ARHGAP32: variants seen among roughly 807,000 people sequenced by gnomAD.
ARHGAP32 encodes the protein rho GTPase-activating protein 32.
ARHGAP32 carries 51 observed loss-of-function variants against 186.5 expected under a neutral mutation model. The ratio of observed to expected loss-of-function variants is 0.27; its 90% CI spans 0.22 to 0.35. ARHGAP32 has a LOEUF of 0.35. ARHGAP32 is among the 10% of genes least tolerant of loss of function. The pLI is 1.00. For missense variants in ARHGAP32, 2,186 were observed against 2,623.5 expected (o/e 0.83, Z 3.64); for synonymous variants, 950 against 964.3 (o/e 0.99, Z 0.27).
At chr11:129,222,060 C>A (rs754443633) in intron 1 of ARHGAP32, among the ~76,000 whole-genome samples, 6 of 152,124 alleles carry the variant, frequency 3.9e-5, no homozygotes, top group Non-Finnish European at 8.8e-5. Flanking sequence ...ACTATAGCTA[C>A]TATTGGAGTT....
intron 6 of ARHGAP32, among the ~76,000 whole-genome samples, chr11:129,090,764 G>A (rs998732165): frequency 6.6e-6 from 1 of 152,154 alleles, no homozygotes; most frequent in Admixed American, 6.5e-5. Context: ...TGGTAACACT[G>A]ATGTTAAACT....
intron 2 of ARHGAP32, among the ~76,000 whole-genome samples, chr11:129,163,556 AT>A (rs1443260210): frequency 6.6e-6 from 1 of 152,070 alleles, no homozygotes; most frequent in Admixed American, 6.6e-5. Flanking sequence ...CTTATTACCC[AT>A]TCATTGACAA....
At chr11:129,181,532 ATAAAT>A (rs980250895) in intron 1 of ARHGAP32, among the ~76,000 whole-genome samples, 9 of 152,156 alleles carry the variant, frequency 5.9e-5, no homozygotes, top group African/African-American at 1.9e-4. Flanking sequence ...AAGGATATTA[ATAAAT>A]TAAATTGTAA....
chr11:129,073,850 A>G lies in ARHGAP32; in HGVS notation c.532-6982T>C, dbSNP rs891108977. 3.9e-5 allele frequency among the ~76,000 whole-genome samples: 6 copies of G among 152,194 alleles called. No homozygotes were observed. The South Asian group carries it at 6.2e-4, about 16-fold the overall frequency. Reference sequence around the variant, plus strand: ...GAAAGAAGCTGGGAGTTTGCGGGGGAAACACCTTACCTATAGAGGGTCAAA... The same window carrying G: ...GAAAGAAGCTGGGAGTTTGCGGGGGGAACACCTTACCTATAGAGGGTCAAA... On this transcript the variant is annotated intron_variant, in intron 6 of 22. Coordinates refer to ENST00000682385, the MANE Select transcript of ARHGAP32 (RefSeq NM_001378024.1).
chr11:129,162,712 C>T (rs1247229806), intron 2 of ARHGAP32, among the ~76,000 whole-genome samples: 4 of 152,104 alleles, frequency 2.6e-5, no homozygotes, highest in Non-Finnish European at 4.4e-5. Context: ...GTTTTTACTG[C>T]AGACTTGATG....
At chr11:129,165,971 T>C (rs926345241) in intron 1 of ARHGAP32, among the ~76,000 whole-genome samples, 1 of 152,042 alleles carries the variant, frequency 6.6e-6, no homozygotes, top group African/African-American at 2.4e-5. Context: ...GCTAAAAACA[T>C]TTATGATTTA....
At chr11:129,192,784 C>T (rs74947687), upstream of ARHGAP32, among the ~76,000 whole-genome samples, 1,701 of 152,300 alleles carry the variant, frequency 0.011, 11 homozygotes, top group Non-Finnish European at 0.019. Context: ...CTGCCATATG[C>T]ATCTCTGCTC....
chr11:129,010,047 A>T (rs1937995787), intron 11 of ARHGAP32, among the ~76,000 whole-genome samples: 1 of 151,996 alleles, frequency 6.6e-6, no homozygotes, highest in Admixed American at 6.6e-5. Flanking sequence ...TGTGGTTTTG[A>T]TTTCTATTTC....
chr11:129,134,844 A>T (rs1252682463), intron 2 of ARHGAP32, among the ~76,000 whole-genome samples: 5 of 152,202 alleles, frequency 3.3e-5, no homozygotes, highest in Non-Finnish European at 1.5e-5. Flanking sequence ...GTGAGAACAC[A>T]TAAAAGGTGC....
chr11:129,186,770 C>T (rs1395400066), intron 1 of ARHGAP32, among the ~76,000 whole-genome samples: 2 of 152,164 alleles, frequency 1.3e-5, no homozygotes, highest in African/African-American at 4.8e-5. Flanking sequence ...AAGTGCTCAA[C>T]ATCACTGATC....
At chr11:129,188,695 T>C (rs1944214083) in intron 1 of ARHGAP32, among the ~76,000 whole-genome samples, 1 of 151,880 alleles carries the variant, frequency 6.6e-6, no homozygotes, top group Non-Finnish European at 1.5e-5. Flanking sequence ...AAAGGCATTG[T>C]CCCCCCCAAT....
chr11:129,252,945 T>C (rs1945205929), intron 1 of ARHGAP32, among the ~76,000 whole-genome samples: 1 of 152,068 alleles, frequency 6.6e-6, no homozygotes. Flanking sequence ...TTATTCTGGC[T>C]TGAAAATAGA....
In ARHGAP32 at chr11:128,986,514, C is replaced by T. The variant is rs1416497796; in HGVS notation, c.1443+10G>A. 9 of 1,613,842 alleles carry T rather than the reference C, an allele frequency of 5.6e-6. No homozygotes were observed. Among genetic ancestry groups the T allele is most frequent in the Non-Finnish European group, 6.8e-6 (8 of 1,179,844 alleles). On this transcript the variant is annotated intron_variant, in intron 14 of 22. Transcript: ENST00000682385. ...ACAAAGAATTAGATTCAAAAGTAGC[C>T]TGTACTCACAGAAAATTTCTCATAC...
intron 11 of ARHGAP32, among the ~76,000 whole-genome samples, chr11:129,015,202 C>T (rs1429171325): frequency 6.6e-6 from 1 of 152,092 alleles, no homozygotes; most frequent in Non-Finnish European, 1.5e-5. Flanking sequence ...TGGCTTAATG[C>T]TTAATCAGCT....
chr11:128,969,200 G>C lies in ARHGAP32; in HGVS notation c.6013C>G (p.Leu2005Val). The change falls in exon 23 of 23, where the codon CTC (leucine) becomes GTC (valine). Residue 2005 changes from leucine to valine, a missense_variant. Coordinates refer to ENST00000682385, the MANE Select transcript of ARHGAP32 (RefSeq NM_001378024.1). This position sits in a 1 kb window ranked among gnomAD's most constrained non-coding sequence, Gnocchi z 4.8. ...PKPERSHSLKLHHTQNVERDP... is the reference protein window; with the variant it reads ...PKPERSHSLKVHHTQNVERDP... ...CTCTCCACGTTCTGGGTATGATGGA[G>C]TTTGAGGCTATGACTCCTCTCTGGT... The C allele has an allele frequency of 6.2e-7, 1 of 1,614,002 alleles. No individual in the cohort carries two copies. Among genetic ancestry groups the C allele is most frequent in the Non-Finnish European group, 8.5e-7 (1 of 1,179,924 alleles).
chr11:129,092,504 G>A (rs1941608099), intron 6 of ARHGAP32, among the ~76,000 whole-genome samples: 1 of 151,866 alleles, frequency 6.6e-6, no homozygotes, highest in African/African-American at 2.4e-5. Flanking sequence ...TATGAAATAT[G>A]ACATGAAACT....
At chr11:129,257,705 CAAAA>C (rs5795663) in intron 1 of ARHGAP32, among the ~76,000 whole-genome samples, 1 of 86,230 alleles carries the variant, frequency 1.2e-5, no homozygotes, top group Admixed American at 1.5e-4. Flanking sequence ...AATAATTAAC[CAAAA>C]AAAAAAAAAA....
At chr11:129,203,254 T>C (rs866500050) in intron 1 of ARHGAP32, among the ~76,000 whole-genome samples, 22 of 152,134 alleles carry the variant, frequency 1.4e-4, no homozygotes, top group Non-Finnish European at 2.2e-4. Flanking sequence ...ACGACCCGTT[T>C]TTGCCTTCAA....
At chr11:129,028,619 C>A (rs1938965199) in intron 11 of ARHGAP32, among the ~76,000 whole-genome samples, 1 of 152,132 alleles carries the variant, frequency 6.6e-6, no homozygotes, top group South Asian at 2.1e-4. Context: ...GTTGTGTAAC[C>A]ACTACACACA....
Sources: gnomAD v4.1 joint callset for allele counts (sites outside exome capture counted in the v4.1 genomes callset) on GRCh38, gnomAD v4.1.1 for gene constraint, Gnocchi (gnomAD v3.1) non-coding constraint, MANE v1.5 for transcripts, NCBI Gene and HGNC (gene_info 2026-07-23, HGNC 2026-07-21) for gene names.